CSMD2: variants seen among roughly 807,000 people sequenced by gnomAD.
The protein encoded by CSMD2 is CUB and Sushi multiple domains 2, also known as CUB and sushi domain-containing protein 2.
Under a neutral mutation model 398.5 loss-of-function variants are expected in CSMD2, and 130 were observed. The observed-to-expected ratio is 0.33, with a 90% CI of 0.28 to 0.38. The LOEUF (loss-of-function observed/expected upper bound fraction) is 0.38, where lower values mean the gene tolerates loss of function less well. Ranked by LOEUF, CSMD2 falls within the 10% of genes least tolerant of loss-of-function variation. CSMD2 has a pLI of 1.00. For missense variants in CSMD2, 3,829 were observed against 4,764.9 expected (o/e 0.80, Z 5.78); for synonymous variants, 1,828 against 1,908.5 (o/e 0.96, Z 1.10).
chr1:33,659,778 C>T (rs1314183124), intron 26 of CSMD2, among the ~76,000 whole-genome samples: 3 of 152,232 alleles, frequency 2.0e-5, no homozygotes, highest in East Asian at 3.8e-4. Flanking sequence ...TTGAGTTACA[C>T]AATCTGATAC....
chr1:34,063,493 G>T (rs1654757816), intron 2 of CSMD2, among the ~76,000 whole-genome samples: 1 of 152,346 alleles, frequency 6.6e-6, no homozygotes, highest in African/African-American at 2.4e-5. Flanking sequence ...CCGAAATCCA[G>T]ATGGGGCAGT....
chr1:34,040,297 T>C lies in CSMD2; in HGVS notation c.405-7591A>G, dbSNP rs1399721256. Among the ~76,000 whole-genome samples the C allele has an allele frequency of 3.9e-5, 6 of 152,236 alleles. No homozygotes were observed. The East Asian group carries it at 9.6e-4, about 24-fold the overall frequency. Reference sequence around the variant, plus strand: ...AAGGCATACTTCCGGGAGAGCTCTTTGCTATTTTAGGTCAACAAAGTCCCA... The same window carrying C: ...AAGGCATACTTCCGGGAGAGCTCTTCGCTATTTTAGGTCAACAAAGTCCCA... On this transcript the variant is annotated intron_variant, in intron 2 of 70. Transcript: ENST00000373381.
At chr1:33,944,759 C>T (rs1467299479) in intron 3 of CSMD2, among the ~76,000 whole-genome samples, 1 of 152,158 alleles carries the variant, frequency 6.6e-6, no homozygotes, top group Non-Finnish European at 1.5e-5. Context: ...GAGGAACAGC[C>T]GGGCTAACTC....
chr1:33,787,962 G>T (rs1194468377), intron 12 of CSMD2, among the ~76,000 whole-genome samples: 1 of 151,988 alleles, frequency 6.6e-6, no homozygotes, highest in African/African-American at 2.4e-5. Flanking sequence ...AACCCAATAG[G>T]GTATCTTGGG....
At chr1:33,885,623 T>C (rs1281759046) in intron 5 of CSMD2, among the ~76,000 whole-genome samples, 1 of 152,082 alleles carries the variant, frequency 6.6e-6, no homozygotes, top group Non-Finnish European at 1.5e-5. Flanking sequence ...GCAGGAATCT[T>C]GTGGTCAGCC....
intron 1 of CSMD2, among the ~76,000 whole-genome samples, chr1:34,093,725 A>G (rs1250419044): frequency 6.6e-6 from 1 of 151,878 alleles, no homozygotes; most frequent in Non-Finnish European, 1.5e-5. Flanking sequence ...ATAAAAAGAA[A>G]TGAGCAAAGC....
At chr1:34,108,453 T>G (rs1416290416) in intron 1 of CSMD2, among the ~76,000 whole-genome samples, 2 of 152,194 alleles carry the variant, frequency 1.3e-5, no homozygotes, top group Admixed American at 6.5e-5. Flanking sequence ...ACAGAGATGC[T>G]CTGATGCAGC....
At chr1:33,823,542 C>A in intron 7 of CSMD2, among the ~76,000 whole-genome samples, 1 of 152,080 alleles carries the variant, frequency 6.6e-6, no homozygotes, top group Non-Finnish European at 1.5e-5. Flanking sequence ...AGGGAGAAGC[C>A]GCAATGTGCT....
chr1:33,912,020 C>A (rs1558091638), intron 5 of CSMD2, among the ~76,000 whole-genome samples: 1 of 152,156 alleles, frequency 6.6e-6, no homozygotes. Flanking sequence ...TCCTTCTCGA[C>A]CTGTCTCAAG....
intron 13 of CSMD2, among the ~76,000 whole-genome samples, chr1:33,745,426 A>G (rs1461534483): frequency 6.6e-6 from 1 of 152,232 alleles, no homozygotes; most frequent in Non-Finnish European, 1.5e-5. Context: ...ACATTTATAT[A>G]GATGTTTGGT....
At chr1:33,799,432 C>G (rs1188556869) in intron 10 of CSMD2, among the ~76,000 whole-genome samples, 1 of 152,192 alleles carries the variant, frequency 6.6e-6, no homozygotes, top group African/African-American at 2.4e-5. Context: ...TCTGCTTAAA[C>G]CAAAACAGCT....
At chr1:33,958,486 G>A (rs1194832154) in intron 3 of CSMD2, among the ~76,000 whole-genome samples, 3 of 152,058 alleles carry the variant, frequency 2.0e-5, no homozygotes, top group Admixed American at 2.0e-4. Flanking sequence ...GAGGTGAAGG[G>A]ATTTTTTTTT....
chr1:34,028,527 T>C (rs1450232782), intron 3 of CSMD2, among the ~76,000 whole-genome samples: 3 of 152,186 alleles, frequency 2.0e-5, no homozygotes, highest in Non-Finnish European at 4.4e-5. Context: ...CATCCTCCCC[T>C]GCCTCTGGCT....
chr1:33,812,556 A>G (rs1656980232), intron 9 of CSMD2, among the ~76,000 whole-genome samples: 1 of 152,272 alleles, frequency 6.6e-6, no homozygotes, highest in Admixed American at 6.5e-5. Context: ...CCCTATGGCA[A>G]TGTGGCATGG....
chr1:33,600,496 C>T (rs1640142796), intron 44 of CSMD2: 1 of 511,886 alleles, frequency 2.0e-6, no homozygotes, highest in Admixed American at 3.7e-5. Flanking sequence ...TCAGCAGAAG[C>T]CCTAGATCCC....
intron 3 of CSMD2, among the ~76,000 whole-genome samples, chr1:34,029,275 G>A (rs146270016): frequency 3.0e-4 from 45 of 152,242 alleles, no homozygotes; most frequent in African/African-American, 1.0e-3. Flanking sequence ...CTCCTTCCCT[G>A]AGAGCCAAAT....
chr1:33,655,986 G>A (rs565734182), intron 27 of CSMD2, among the ~76,000 whole-genome samples: 20 of 152,254 alleles, frequency 1.3e-4, no homozygotes, highest in South Asian at 1.0e-3. Context: ...TAAGTCTAAG[G>A]AATCACAGCC....
chr1:33,629,063 C>T (rs1403352059), intron 32 of CSMD2, among the ~76,000 whole-genome samples: 1 of 142,092 alleles, frequency 7.0e-6, no homozygotes, highest in African/African-American at 2.7e-5. Context: ...ATAAGCCCTA[C>T]TGAAAAAAAA....
At chr1:33,600,090 G>T in intron 44 of CSMD2, 1 of 686,722 alleles carries the variant, frequency 1.5e-6, no homozygotes, top group South Asian at 1.6e-5. Flanking sequence ...ATTCTTACAG[G>T]TCACAAACTC....
Sources: gnomAD v4.1 joint callset for allele counts (sites outside exome capture counted in the v4.1 genomes callset) on GRCh38, gnomAD v4.1.1 for gene constraint, MANE v1.5 for transcripts, NCBI Gene and HGNC (gene_info 2026-07-23, HGNC 2026-07-21) for gene names.